The following PTPRJ variants were observed in gnomAD, a reference collection of about 807,000 sequenced individuals.
PTPRJ encodes protein tyrosine phosphatase receptor type J, also known as receptor-type tyrosine-protein phosphatase eta.
PTPRJ carries 129 observed loss-of-function variants against 141.3 expected under a neutral mutation model. The ratio of observed to expected loss-of-function variants is 0.91; its 90% CI spans 0.79 to 1.06. PTPRJ has a LOEUF of 1.06. Ranked by LOEUF, PTPRJ falls within the 50% of genes least tolerant of loss-of-function variation. The pLI is 0.00. For synonymous variants in PTPRJ, 610 were observed against 640.5 expected (o/e 0.95, Z 0.72); for missense variants, 1,601 against 1,679.7 (o/e 0.95, Z 0.82).
chr11:48,033,996 TTACAAGAGCTTCTAG>T (rs1854059723), intron 1 of PTPRJ, among the ~76,000 whole-genome samples: 1 of 152,234 alleles, frequency 6.6e-6, no homozygotes, highest in Non-Finnish European at 1.5e-5. Context: ...GAACAGGAAC[TTACAAGAGCTTCTAG>T]TCTGAACTCC....
At chr11:48,142,160 G>A (rs1358250768) in intron 11 of PTPRJ, among the ~76,000 whole-genome samples, 2 of 152,168 alleles carry the variant, frequency 1.3e-5, no homozygotes. Flanking sequence ...GACTGTATAT[G>A]TGAGAGTTTA....
intron 18 of PTPRJ, among the ~76,000 whole-genome samples, chr11:48,151,240 G>A (rs371155532): frequency 1.5e-4 from 23 of 152,084 alleles, no homozygotes; most frequent in African/African-American, 4.8e-4. Context: ...TCTGGGCAGC[G>A]CCCTTCCTTG....
At chr11:48,031,515 G>A (rs1388684994) in intron 1 of PTPRJ, among the ~76,000 whole-genome samples, 4 of 152,204 alleles carry the variant, frequency 2.6e-5, no homozygotes, top group Admixed American at 6.5e-5. Context: ...CAGCAGGCAC[G>A]TGGGAAGCAT....
chr11:48,155,920 T>A, intron 20 of PTPRJ, 46 bp downstream of exon 20: 1 of 1,589,508 alleles, frequency 6.3e-7, no homozygotes. Flanking sequence ...TTCGATGAAA[T>A]CTTCAGTGTG....
chr11:47,988,524 T>TGA (rs1264915134), intron 1 of PTPRJ, among the ~76,000 whole-genome samples: 2 of 152,018 alleles, frequency 1.3e-5, no homozygotes, highest in Admixed American at 1.3e-4. Context: ...ACTAGTGTTT[T>TGA]GATGTGTGGA....
At chr11:48,076,182 A>G (rs1384749985) in intron 1 of PTPRJ, among the ~76,000 whole-genome samples, 1 of 152,206 alleles carries the variant, frequency 6.6e-6, no homozygotes, top group Non-Finnish European at 1.5e-5. Context: ...AAAATGGGGC[A>G]GAGGATACCT....
At chr11:48,162,725 C>T (rs980593891) in intron 22 of PTPRJ, among the ~76,000 whole-genome samples, 8 of 152,284 alleles carry the variant, frequency 5.3e-5, no homozygotes, top group Middle Eastern at 6.8e-3. Flanking sequence ...ATGGGCATAA[C>T]GAGTACAGCT....
chr11:48,008,907 C>A (rs544207734), intron 1 of PTPRJ, among the ~76,000 whole-genome samples: 8 of 152,260 alleles, frequency 5.3e-5, no homozygotes, highest in Non-Finnish European at 7.3e-5. Context: ...AGAAATCAAC[C>A]CAGTAAACAA....
chr11:48,144,698 C>T lies in PTPRJ; in HGVS notation c.2599C>T (p.Leu867=), dbSNP rs947125354. 1.5e-5 allele frequency: 24 copies of T among 1,613,850 alleles called. No individual in the cohort carries two copies. The highest frequency in any genetic ancestry group is 8.3e-5 in the Admixed American group (5 of 60,002). ...GEAGHPSADV[L]KYTYEDFKKG... is the part of the protein sequence containing the mutation. Reference sequence around the variant, plus strand: ...AGCTGGTCACCCTTCTGCAGATGTCCTGAAATACACGTATGAGGATTTCAA... The same window carrying T: ...AGCTGGTCACCCTTCTGCAGATGTCTTGAAATACACGTATGAGGATTTCAA... The change falls in exon 13 of 25, where the codon CTG becomes TTG. Residue 867 remains leucine (L), a synonymous_variant. Transcript: ENST00000418331.
chr11:48,116,764 G>A (rs1457742797), intron 3 of PTPRJ, among the ~76,000 whole-genome samples: 1 of 152,140 alleles, frequency 6.6e-6, no homozygotes, highest in African/African-American at 2.4e-5. Context: ...ATAACAGGAG[G>A]AACTTAAGAA....
At position 47,980,656 on chromosome 11, in the gene PTPRJ, C is replaced by G; in HGVS notation, c.-257C>G. 3.0e-6 allele frequency: 3 copies of G among 985,402 alleles called. No individual in the cohort carries two copies. The highest frequency in any genetic ancestry group is 3.6e-6 in the Non-Finnish European group (3 of 831,068). The allele number at this position is 985,402 out of a possible 1,614,324, so 61.0% of individuals were successfully genotyped here. A position where few individuals can be genotyped will look rare whatever the true frequency, so the allele number is the denominator to read the frequency against. On this transcript the variant is annotated 5_prime_UTR_variant, in exon 1 of 25. Coordinates refer to ENST00000418331, the MANE Select transcript of PTPRJ (RefSeq NM_002843.4). Reference sequence around the variant, plus strand: ...TGGGGGTGGGCGCCGCTCGCTCCGCCCCGCGAAGCCCCTGCGCGCTCAGGG... The same window carrying G: ...TGGGGGTGGGCGCCGCTCGCTCCGCGCCGCGAAGCCCCTGCGCGCTCAGGG...
At chr11:48,062,280 G>A (rs931369504) in intron 1 of PTPRJ, among the ~76,000 whole-genome samples, 5 of 151,918 alleles carry the variant, frequency 3.3e-5, no homozygotes, top group African/African-American at 1.2e-4. Flanking sequence ...TTGGGAGGCC[G>A]AGGCGGGCGG....
intron 1 of PTPRJ, among the ~76,000 whole-genome samples, chr11:48,038,268 A>C (rs1332830391): frequency 6.6e-6 from 1 of 152,016 alleles, no homozygotes; most frequent in Non-Finnish European, 1.5e-5. Context: ...GTAACTTAAT[A>C]CTTCCAGTGG....
chr11:48,026,223 G>T (rs1053016364), intron 1 of PTPRJ, among the ~76,000 whole-genome samples: 1 of 152,182 alleles, frequency 6.6e-6, no homozygotes, highest in Admixed American at 6.5e-5. Flanking sequence ...ACAGTCAACA[G>T]AGGCTTAGTG....
chr11:47,985,670 A>ACATT (rs1379380672), intron 1 of PTPRJ, among the ~76,000 whole-genome samples: 2 of 144,216 alleles, frequency 1.4e-5, no homozygotes, highest in African/African-American at 5.1e-5. Context: ...GAGGTGGCAG[A>ACATT]CATTTATTTA....
In PTPRJ at chr11:48,069,445, A is replaced by ATTTTTTTTTTTTTTTTTTTTTTT. The variant is rs35405916; in HGVS notation, c.97-40592_97-40591insTTTTTTTTTTTTTTTTTTTTTTT. Among the ~76,000 whole-genome samples the ATTTTTTTTTTTTTTTTTTTTTTT allele has an allele frequency of 3.3e-5, 4 of 121,322 alleles. 1 individual carries two copies. The highest frequency in any genetic ancestry group is 5.0e-5 in the Non-Finnish European group (3 of 59,588). 79.6% of individuals were successfully genotyped at this position (121,322 alleles called of 152,430 possible). ...GGCTGTGATAAAAACTACATTGATA[A>ATTTTTTTTTTTTTTTTTTTTTTT]TTTTTTTTTTTTTTTTTTTTTGGAG... is the stretch of plus-strand genomic sequence containing the variant. On this transcript the variant is annotated intron_variant, in intron 1 of 24. Coordinates refer to ENST00000418331, the MANE Select transcript of PTPRJ (RefSeq NM_002843.4).
intron 1 of PTPRJ, among the ~76,000 whole-genome samples, chr11:48,052,318 A>C (rs1854592362): frequency 6.6e-6 from 1 of 152,186 alleles, no homozygotes; most frequent in Admixed American, 6.5e-5. Context: ...GAAATGTGCA[A>C]GTGTGGTTCC....
rs200969448 is a variant in PTPRJ at position 48,123,797 on chromosome 11, A to G, written c.801A>G (p.Gln267=). The change falls in exon 5 of 25, where the codon CAA becomes CAG. Residue 267 remains glutamine, a synonymous_variant. Transcript: ENST00000418331. ...VNISGLKPGV[Q]YNINPYLLQS... ...TCTCGGGCCTGAAGCCAGGGGTTCAATACAACATCAACCCGTATCTTCTAC... is the reference window on the plus strand; with the variant it reads ...TCTCGGGCCTGAAGCCAGGGGTTCAGTACAACATCAACCCGTATCTTCTAC... 1 of 1,614,104 alleles carries G rather than the reference A, an allele frequency of 6.2e-7. No homozygotes were observed. The highest frequency in any genetic ancestry group is 2.2e-5 in the East Asian group (1 of 44,868).
intron 1 of PTPRJ, among the ~76,000 whole-genome samples, chr11:48,081,271 G>A (rs1855551296): frequency 6.6e-6 from 1 of 152,242 alleles, no homozygotes; most frequent in Admixed American, 6.5e-5. Flanking sequence ...AGGTCCGGAT[G>A]TGGGCCAGTT....
Sources: gnomAD v4.1 joint callset for allele counts (sites outside exome capture counted in the v4.1 genomes callset) on GRCh38, gnomAD v4.1.1 for gene constraint, MANE v1.5 for transcripts, NCBI Gene and HGNC (gene_info 2026-07-23, HGNC 2026-07-21) for gene names.